The following SMAGP variants were observed in gnomAD, a reference collection of about 807,000 sequenced individuals.
SMAGP encodes small cell adhesion glycoprotein.
In SMAGP, 7 loss-of-function variants were observed where a neutral mutation model predicts 10.1. The ratio of observed to expected loss-of-function variants is 0.70; its 90% CI spans 0.40 to 1.31. The LOEUF (loss-of-function observed/expected upper bound fraction) is 1.31. Ranked by LOEUF, SMAGP falls within the 50% of genes most tolerant of loss-of-function variation. The pLI is 0.01. For missense variants in SMAGP, 113 were observed against 116.5 expected, an observed-to-expected ratio of 0.97 and a Z score of 0.14; for synonymous variants, 49 against 47.2, an observed-to-expected ratio of 1.04 and a Z score of -0.16.
intron 2 of SMAGP, among the ~76,000 whole-genome samples, chr12:51,268,001 T>C (rs1237943046): frequency 6.6e-6 from 1 of 152,158 alleles, no homozygotes; most frequent in Non-Finnish European, 1.5e-5. Flanking sequence ...TGTTCCTCTC[T>C]CTCCCTAACT....
rs1311653287 is a variant in SMAGP at position 51,269,290 on chromosome 12, G to T, written c.-12C>A. On this transcript the variant is annotated 5_prime_UTR_variant, in exon 2 of 4. Coordinates refer to ENST00000603798, the MANE Select transcript of SMAGP (RefSeq NM_001031628.2). ...AGGAGGCTGGTCATTGTCACTAGTG[G>T]TTGAGTTTCTTGGAGAAGAGGCAGA... 1 of 1,613,940 alleles carries T rather than the reference G, an allele frequency of 6.2e-7. No homozygotes were observed. Among genetic ancestry groups the T allele is most frequent in the Non-Finnish European group, 8.5e-7 (1 of 1,179,828 alleles).
At chr12:51,257,734 G>A (rs1459400246) in intron 2 of SMAGP, among the ~76,000 whole-genome samples, 1 of 152,046 alleles carries the variant, frequency 6.6e-6, no homozygotes, top group African/African-American at 2.4e-5. Context: ...TAGTAGAGAT[G>A]GGGTTTCACC....
intron 2 of SMAGP, among the ~76,000 whole-genome samples, chr12:51,258,339 T>C (rs957003539): frequency 5.3e-5 from 8 of 152,148 alleles, no homozygotes; most frequent in African/African-American, 1.9e-4. Context: ...CCCAGCATTT[T>C]GGGAGGCTGA....
chr12:51,248,816 G>A (rs1944809244), intron 2 of SMAGP, among the ~76,000 whole-genome samples: 1 of 150,912 alleles, frequency 6.6e-6, no homozygotes, highest in South Asian at 2.1e-4. Context: ...CCTTTGGGAG[G>A]CCAGGGTGGG....
chr12:51,260,155 T>C (rs1944918417), intron 2 of SMAGP, among the ~76,000 whole-genome samples: 1 of 151,790 alleles, frequency 6.6e-6, no homozygotes, highest in Non-Finnish European at 1.5e-5. Flanking sequence ...ACAGTACTGC[T>C]CTACTTTGTA....
At chr12:51,265,714 T>C (rs886228164) in intron 2 of SMAGP, among the ~76,000 whole-genome samples, 1 of 152,078 alleles carries the variant, frequency 6.6e-6, no homozygotes, top group Non-Finnish European at 1.5e-5. Flanking sequence ...GGGGAATCAG[T>C]GTTTAATGGG....
chr12:51,259,764 A>C (rs1565659522), intron 2 of SMAGP, among the ~76,000 whole-genome samples: 1 of 152,060 alleles, frequency 6.6e-6, no homozygotes, highest in Non-Finnish European at 1.5e-5. Flanking sequence ...CCCAGGCTGG[A>C]ATGCAGTGAT....
chr12:51,265,974 C>A (rs1351331752), intron 2 of SMAGP, among the ~76,000 whole-genome samples: 1 of 151,696 alleles, frequency 6.6e-6, no homozygotes, highest in African/African-American at 2.4e-5. Context: ...CCCAGCTACT[C>A]GGGAAGCTAA....
At chr12:51,266,689 T>C (rs117289275) in intron 2 of SMAGP, among the ~76,000 whole-genome samples, 88 of 152,352 alleles carry the variant, frequency 5.8e-4, no homozygotes, top group South Asian at 1.9e-3. Flanking sequence ...TGGGGTTCAG[T>C]ACTATCTGAG....
chr12:51,257,007 G>T (rs1253486030), intron 2 of SMAGP, among the ~76,000 whole-genome samples: 1 of 152,080 alleles, frequency 6.6e-6, no homozygotes, highest in Non-Finnish European at 1.5e-5. Flanking sequence ...ATACAAACCC[G>T]TAATTTAGGG....
intron 2 of SMAGP, among the ~76,000 whole-genome samples, chr12:51,264,631 A>C (rs1944957572): frequency 6.6e-6 from 1 of 150,548 alleles, no homozygotes; most frequent in Admixed American, 6.6e-5. Context: ...ATCTCTTAAA[A>C]AAAAAAAAAA....
At chr12:51,260,679 ATTTTTTTTTTT>A (rs1162152346) in intron 2 of SMAGP, among the ~76,000 whole-genome samples, 1 of 78,398 alleles carries the variant, frequency 1.3e-5, no homozygotes, top group African/African-American at 5.7e-5. Context: ...CGCCCGGCCA[ATTTTTTTTTTT>A]TTTTTTTTTT....
intron 2 of SMAGP, among the ~76,000 whole-genome samples, chr12:51,254,377 T>A (rs1169717950): frequency 6.6e-6 from 1 of 151,946 alleles, no homozygotes; most frequent in African/African-American, 2.4e-5. Flanking sequence ...CAAAACCCCG[T>A]CTCTACTAAA....
At chr12:51,269,185 C>A in intron 2 of SMAGP, 60 bp downstream of exon 2, 1 of 1,597,856 alleles carries the variant, frequency 6.3e-7, no homozygotes, top group South Asian at 1.1e-5. Flanking sequence ...CAGGACTGGT[C>A]TGGGGAAGGG....
Position 51,262,758 on chromosome 12 carries a change from C to T in SMAGP, c.34+6487G>A, listed in dbSNP as rs1241217886. ...ACTCTTTTTTTTGTTAACCCAGATA[C>T]TGGCTGGCTTCTTTGTGGTCCTTGT... is the stretch of plus-strand genomic sequence containing the variant. On this transcript the variant is annotated intron_variant, in intron 2 of 3. Coordinates refer to ENST00000603798, the MANE Select transcript of SMAGP (RefSeq NM_001031628.2). 5.3e-5 allele frequency among the ~76,000 whole-genome samples: 8 copies of T among 152,160 alleles called. No individual in the cohort carries two copies. In the South Asian group the frequency reaches 8.3e-4, roughly 16 times the overall value.
chr12:51,267,494 C>G (rs1393277871), intron 2 of SMAGP, among the ~76,000 whole-genome samples: 6 of 87,592 alleles, frequency 6.8e-5, no homozygotes, highest in Non-Finnish European at 1.7e-4. Context: ...GTCCCCCTAA[C>G]TCTTTTTTTT....
Position 51,257,950 on chromosome 12 carries a change from G to A in SMAGP, c.35-11119C>T, listed in dbSNP as rs970247435. ...GGATCGCTTGAGGTCAGGAGTTTGA[G>A]ATCAGGCTGAGAGCAACATAGTGAG... On this transcript the variant is annotated intron_variant, in intron 2 of 3. Transcript: ENST00000603798. Among the ~76,000 whole-genome samples the A allele has an allele frequency of 5.9e-5, 9 of 152,220 alleles. No individual in the cohort carries two copies. In the South Asian group the frequency reaches 1.2e-3, roughly 21 times the overall value.
At chr12:51,259,322 T>C (rs1944913492) in intron 2 of SMAGP, among the ~76,000 whole-genome samples, 3 of 152,144 alleles carry the variant, frequency 2.0e-5, no homozygotes, top group Admixed American at 2.0e-4. Flanking sequence ...CTGTGTTGCC[T>C]AGGCTAGTTT....
Position 51,270,369 on chromosome 12 carries a change from A to C in SMAGP, c.-152T>G. 1 of 200,536 alleles carries C rather than the reference A, an allele frequency of 5.0e-6. No homozygotes were observed. Among genetic ancestry groups the C allele is most frequent in the Non-Finnish European group, 1.0e-5 (1 of 100,128 alleles). 12.4% of individuals were successfully genotyped at this position (200,536 alleles called of 1,614,324 possible). On this transcript the variant is annotated 5_prime_UTR_variant, in exon 1 of 4. Transcript: ENST00000603798. Reference sequence around the variant, plus strand: ...GGAGGCCAGCAGAGGCCGAACGAGGACCCCGAGCGGAGGAAGCCGCGGGTG... The same window carrying C: ...GGAGGCCAGCAGAGGCCGAACGAGGCCCCCGAGCGGAGGAAGCCGCGGGTG...
Sources: gnomAD v4.1 joint callset for allele counts (sites outside exome capture counted in the v4.1 genomes callset) on GRCh38, gnomAD v4.1.1 for gene constraint, MANE v1.5 for transcripts, NCBI Gene and HGNC (gene_info 2026-07-23, HGNC 2026-07-21) for gene names.